Variants in FRY observed in about 807,000 individuals in gnomAD.
FRY encodes the protein protein furry homolog.
In FRY, 128 loss-of-function variants were observed where a neutral mutation model predicts 348.4. The ratio of observed to expected loss-of-function variants is 0.37; its 90% CI spans 0.32 to 0.43. FRY has a LOEUF of 0.43. Among genes scored for constraint, FRY ranks in the 20% least tolerant of loss-of-function variants. The pLI is 1.00. For synonymous variants in FRY, 1,370 were observed against 1,374.7 expected (o/e 1.00, Z 0.08); for missense variants, 2,736 against 3,695.2 (o/e 0.74, Z 6.73).
Position 32,209,662 on chromosome 13 carries a change from C to G in FRY, c.4353C>G (p.Asn1451Lys). ...ALANNEKWSN[N>K]LRITLQFLIS... ...CCAACAATGAGAAATGGAGCAACAA[C>G]CTGAGGATCACCTTGCAGTTCCTGA... The change falls in exon 33 of 61, where the codon AAC (asparagine) becomes AAG (lysine). Residue 1451 changes from asparagine (N) to lysine (K), a missense_variant. Coordinates refer to ENST00000542859, the MANE Select transcript of FRY (RefSeq NM_023037.3). 1 of 1,614,064 alleles carries G rather than the reference C, an allele frequency of 6.2e-7. No individual in the cohort carries two copies.
At chr13:32,108,688 C>T (rs937789163) in intron 3 of FRY, among the ~76,000 whole-genome samples, 2 of 152,170 alleles carry the variant, frequency 1.3e-5, no homozygotes, top group Non-Finnish European at 2.9e-5. Flanking sequence ...GTCCACTGAA[C>T]CTTCACTGGA....
At chr13:32,204,086 A>T (rs715129) in intron 31 of FRY, among the ~76,000 whole-genome samples, 61,881 of 152,084 alleles carry the variant, frequency 0.41, 12,790 homozygotes, top group Admixed American at 0.43. Context: ...AATATTTATA[A>T]ACCCTGGTAT....
chr13:32,286,995 TA>T (rs965923723), intron 58 of FRY, among the ~76,000 whole-genome samples: 290 of 138,886 alleles, frequency 2.1e-3, no homozygotes, highest in Admixed American at 2.7e-3. Context: ...CCATCTCTAC[TA>T]AAAAAAAAAA....
Position 32,234,553 on chromosome 13 carries a change from C to A in FRY, c.5528-21C>A. ...CATGTAGAGTAGAGACTGACCTATT[C>A]TGTGGCTCTTGTTACCCTAGGCTTC... On this transcript the variant is annotated intron_variant, in intron 41 of 60. Coordinates refer to ENST00000542859, the MANE Select transcript of FRY (RefSeq NM_023037.3). The A allele has an allele frequency of 3.1e-6, 5 of 1,610,984 alleles. No homozygotes were observed. The South Asian group carries it at 4.4e-5, about 14-fold the overall frequency.
chr13:32,286,995 TAAA>T (rs965923723), intron 58 of FRY, among the ~76,000 whole-genome samples: 1 of 139,184 alleles, frequency 7.2e-6, no homozygotes, highest in Non-Finnish European at 1.6e-5. Context: ...CCATCTCTAC[TAAA>T]AAAAAAAAAA....
intron 58 of FRY, among the ~76,000 whole-genome samples, chr13:32,279,983 G>A (rs900411017): frequency 6.6e-6 from 1 of 152,224 alleles, no homozygotes; most frequent in African/African-American, 2.4e-5. Context: ...CATTGAAGTA[G>A]AGGTTGCATT....
intron 2 of FRY, among the ~76,000 whole-genome samples, chr13:32,083,465 T>A (rs1875631598): frequency 6.6e-6 from 1 of 152,200 alleles, no homozygotes; most frequent in Non-Finnish European, 1.5e-5. Flanking sequence ...TTGCCCATGA[T>A]GGATTTCTTT....
At chr13:32,038,715 A>G (rs1872640459) in intron 1 of FRY, 1 of 152,222 alleles carries the variant, frequency 6.6e-6, no homozygotes, top group Admixed American at 6.5e-5. Flanking sequence ...AACAATGGGA[A>G]TGGGCTTTTC....
At chr13:32,108,670 G>T (rs1349870627) in intron 3 of FRY, among the ~76,000 whole-genome samples, 2 of 152,150 alleles carry the variant, frequency 1.3e-5, no homozygotes, top group African/African-American at 4.8e-5. Flanking sequence ...TTCATGTGGG[G>T]GAGGGAAGTC....
chr13:32,276,105 T>C (rs946128290), intron 56 of FRY, among the ~76,000 whole-genome samples: 7 of 152,244 alleles, frequency 4.6e-5, no homozygotes, highest in Non-Finnish European at 1.0e-4. Context: ...TTTGAAAGTC[T>C]TTTTGGAGGT....
At chr13:32,106,615 C>A (rs2077387688) in intron 3 of FRY, among the ~76,000 whole-genome samples, 2 of 152,048 alleles carry the variant, frequency 1.3e-5, no homozygotes, top group African/African-American at 4.8e-5. Flanking sequence ...TATAGAAAAA[C>A]AAAAAACAAA....
chr13:32,082,130 C>A (rs1187796579), intron 2 of FRY, among the ~76,000 whole-genome samples: 1 of 151,628 alleles, frequency 6.6e-6, no homozygotes, highest in Non-Finnish European at 1.5e-5. Context: ...GAATTTCACA[C>A]CCATTAGCTT....
chr13:32,257,929 T>C (rs753420127), intron 51 of FRY: 2 of 1,588,282 alleles, frequency 1.3e-6, no homozygotes, highest in Non-Finnish European at 1.7e-6. Context: ...ATAGACCTTT[T>C]GTTTGTTTTT....
At chr13:32,074,091 G>A (rs978207973) in intron 1 of FRY, among the ~76,000 whole-genome samples, 2 of 152,170 alleles carry the variant, frequency 1.3e-5, no homozygotes, top group South Asian at 2.1e-4. Flanking sequence ...GAATAGATAT[G>A]CAGTCCGAAA....
chr13:32,195,420 A>G (rs368465593), intron 29 of FRY, among the ~76,000 whole-genome samples: 1 of 152,146 alleles, frequency 6.6e-6, no homozygotes, highest in African/African-American at 2.4e-5. Context: ...AAATTTTCAG[A>G]TATTTCAACA....
chr13:32,170,894 G>A, intron 17 of FRY, 118 bp from the exon 18 acceptor site: 1 of 800,964 alleles, frequency 1.2e-6, no homozygotes, highest in Non-Finnish European at 2.1e-6. Context: ...AAAAATAAGG[G>A]AGACCCATTT....
intron 1 of FRY, among the ~76,000 whole-genome samples, chr13:32,049,580 G>A (rs1351699714): frequency 1.3e-5 from 2 of 152,160 alleles, no homozygotes; most frequent in African/African-American, 4.8e-5. Context: ...GACTACAGGC[G>A]CTCGCCACCA....
At chr13:32,164,852 T>A (rs115708445) in intron 17 of FRY, among the ~76,000 whole-genome samples, 4,575 of 152,314 alleles carry the variant, frequency 0.03, 96 homozygotes, top group East Asian at 0.088. Flanking sequence ...CTCTGTCATT[T>A]GACCACAAGA....
In FRY at chr13:32,239,888, T is replaced by A. The variant is rs778205149; in HGVS notation, c.6687+7T>A. ...GGTTACCTACCTGGCAGAGGTAAGC[T>A]TTTTTTTTTTGTTTTTTGAGACAGG... is the stretch of plus-strand genomic sequence containing the variant. On this transcript the variant is annotated splice_region_variant and intron_variant, in intron 46 of 60. Transcript: ENST00000542859. This position sits in a 1 kb window ranked among gnomAD's most constrained non-coding sequence, Gnocchi z 4.3. 9.2e-6 allele frequency: 6 copies of A among 655,412 alleles called. No individual in the cohort carries two copies. Among genetic ancestry groups the A allele is most frequent in the African/African-American group, 2.0e-5 (1 of 51,044 alleles). The allele number at this position is 655,412 out of a possible 1,614,324, so 40.6% of individuals were successfully genotyped here. A position where few individuals can be genotyped will look rare whatever the true frequency, so the allele number is the denominator to read the frequency against.
Sources: gnomAD v4.1 joint callset for allele counts (sites outside exome capture counted in the v4.1 genomes callset) on GRCh38, gnomAD v4.1.1 for gene constraint, Gnocchi (gnomAD v3.1) non-coding constraint, MANE v1.5 for transcripts, NCBI Gene and HGNC (gene_info 2026-07-23, HGNC 2026-07-21) for gene names.